The following OLFM3 variants were observed in gnomAD, a reference collection of about 807,000 sequenced individuals.
OLFM3 encodes noelin-3.
Under a neutral mutation model 48.6 loss-of-function variants are expected in OLFM3, and 20 were observed. That is an observed-to-expected ratio of 0.41 (90% CI 0.29 to 0.60). OLFM3 has a LOEUF of 0.60. Among genes scored for constraint, OLFM3 ranks in the 20% least tolerant of loss-of-function variants. The pLI is 0.28. For synonymous variants in OLFM3, 222 were observed against 198.1 expected (o/e 1.12, Z -1.01); for missense variants, 437 against 544.3 (o/e 0.80, Z 1.96).
rs190974637 is a variant in OLFM3, at chr1:101,964,980, C to T, written c.69+31768G>A. Among the ~76,000 whole-genome samples, 128 of 152,200 alleles carry T rather than the reference C, an allele frequency of 8.4e-4. 2 individuals carry two copies. The highest frequency in any genetic ancestry group is 8.1e-3 in the Admixed American group (124 of 15,282). On this transcript the variant is annotated intron_variant, in intron 1 of 5. Coordinates refer to ENST00000370103, the MANE Select transcript of OLFM3 (RefSeq NM_058170.4). ...AGCATTTCTGTGACAGCAAATTAGT[C>T]AGTATAAGAAACTCAAGTCTATGTT...
intron 1 of OLFM3, among the ~76,000 whole-genome samples, chr1:101,977,626 TGTAA>T (rs1443661474): frequency 2.6e-5 from 4 of 152,144 alleles, no homozygotes; most frequent in African/African-American, 9.7e-5. Context: ...AGAGATGATC[TGTAA>T]GTGAGTAAAG....
intron 1 of OLFM3, among the ~76,000 whole-genome samples, chr1:101,843,887 G>A (rs372194973): frequency 2.6e-5 from 4 of 151,950 alleles, no homozygotes; most frequent in Admixed American, 2.0e-4. Context: ...TAACCTCTGC[G>A]TATTCCATGA....
chr1:101,955,588 TTCTG>T (rs748895943), intron 1 of OLFM3, among the ~76,000 whole-genome samples: 8 of 152,036 alleles, frequency 5.3e-5, no homozygotes, highest in Admixed American at 1.3e-4. Flanking sequence ...CAATTCTCAC[TTCTG>T]TCTATTTTTT....
chr1:101,882,265 T>C (rs1343601906), intron 1 of OLFM3, among the ~76,000 whole-genome samples: 1 of 149,222 alleles, frequency 6.7e-6, no homozygotes, highest in African/African-American at 2.4e-5. Flanking sequence ...AATTTATGTA[T>C]GTCAAAATCA....
chr1:101,965,985 G>A (rs1318470319), intron 1 of OLFM3, among the ~76,000 whole-genome samples: 11 of 152,076 alleles, frequency 7.2e-5, no homozygotes, highest in Non-Finnish European at 2.9e-5. Context: ...CAAAGTCCTA[G>A]TTTATTTCGC....
At chr1:101,966,403 A>C (rs1660611098) in intron 1 of OLFM3, among the ~76,000 whole-genome samples, 1 of 151,242 alleles carries the variant, frequency 6.6e-6, no homozygotes, top group Non-Finnish European at 1.5e-5. Context: ...AAATTCCTGC[A>C]CTCAAGAGAG....
intron 1 of OLFM3, chr1:101,882,781 C>A (rs746630049): frequency 1.3e-5 from 2 of 151,768 alleles, no homozygotes; most frequent in East Asian, 3.9e-4. Context: ...CCAACCTCAA[C>A]AAGGCAGGGA....
intron 1 of OLFM3, among the ~76,000 whole-genome samples, chr1:101,891,643 A>G (rs541144878): frequency 2.0e-5 from 3 of 151,894 alleles, no homozygotes; most frequent in Non-Finnish European, 4.4e-5. Flanking sequence ...TAGTAATTAT[A>G]TGCATTAGAT....
At position 101,879,170 on chromosome 1, in the gene OLFM3, A is replaced by G. The variant is rs949921661; in HGVS notation, c.70-42145T>C. ...TGGCATCATCCTTTTGTCAAGAGCT[A>G]ATGAGAATCCATTTTTTTGCTTAAA... On this transcript the variant is annotated intron_variant, in intron 1 of 5. Coordinates refer to ENST00000370103, the MANE Select transcript of OLFM3 (RefSeq NM_058170.4). 1.7e-4 allele frequency among the ~76,000 whole-genome samples: 26 copies of G among 151,962 alleles called. No individual in the cohort carries two copies. In the South Asian group the frequency reaches 1.9e-3, roughly 11 times the overall value.
At chr1:101,943,855 CAT>C (rs1659868471) in intron 1 of OLFM3, among the ~76,000 whole-genome samples, 1 of 149,150 alleles carries the variant, frequency 6.7e-6, no homozygotes, top group Non-Finnish European at 1.5e-5. Context: ...TTAATAACAT[CAT>C]ATCTGATTAA....
At chr1:101,982,953 T>G (rs139007192) in intron 1 of OLFM3, among the ~76,000 whole-genome samples, 153 of 152,154 alleles carry the variant, frequency 1.0e-3, no homozygotes, top group African/African-American at 3.3e-3. Flanking sequence ...TGGTTGTTTC[T>G]CAGGAGAACC....
chr1:101,897,448 C>T (rs1160569488), intron 1 of OLFM3, among the ~76,000 whole-genome samples: 1 of 152,134 alleles, frequency 6.6e-6, no homozygotes, highest in Non-Finnish European at 1.5e-5. Flanking sequence ...GTGAACGCTA[C>T]TCCCTAATTT....
At chr1:101,876,006 T>C (rs1411874052) in intron 1 of OLFM3, among the ~76,000 whole-genome samples, 1 of 152,062 alleles carries the variant, frequency 6.6e-6, no homozygotes, top group Admixed American at 6.6e-5. Context: ...CAGAATTCTC[T>C]GGCAGATTCA....
chr1:101,836,517 G>T (rs1655416827), intron 2 of OLFM3, among the ~76,000 whole-genome samples: 1 of 151,718 alleles, frequency 6.6e-6, no homozygotes, highest in African/African-American at 2.4e-5. Context: ...GGTTGTTATG[G>T]GATTCAAAAG....
intron 1 of OLFM3, among the ~76,000 whole-genome samples, chr1:101,845,990 C>T (rs989526816): frequency 6.6e-6 from 1 of 152,138 alleles, no homozygotes; most frequent in Non-Finnish European, 1.5e-5. Flanking sequence ...CCTAGTTTTG[C>T]TTCTGTACCT....
chr1:101,861,248 G>A (rs1656643566), intron 1 of OLFM3, among the ~76,000 whole-genome samples: 1 of 152,002 alleles, frequency 6.6e-6, no homozygotes, highest in Non-Finnish European at 1.5e-5. Context: ...TTTTAGTAGA[G>A]ACAGGGTTTC....
At chr1:101,852,215 A>C (rs1326276524) in intron 1 of OLFM3, among the ~76,000 whole-genome samples, 1 of 152,034 alleles carries the variant, frequency 6.6e-6, no homozygotes, top group Non-Finnish European at 1.5e-5. Context: ...CCTTTACAGC[A>C]TACCCTCTGA....
chr1:101,804,518 C>T lies in OLFM3; in HGVS notation c.1097G>A (p.Ser366Asn). The T allele has an allele frequency of 6.2e-7, 1 of 1,612,730 alleles. No individual in the cohort carries two copies. Among genetic ancestry groups the T allele is most frequent in the Non-Finnish European group, 8.5e-7 (1 of 1,179,172 alleles). Reference sequence around the variant, plus strand: ...TGCACTTCTCTTGGGGTAGCCAGTGCTCCAGCTCTTCATCACCTCCAAGGT... The same window carrying T: ...TGCACTTCTCTTGGGGTAGCCAGTGTTCCAGCTCTTCATCACCTCCAAGGT... ...QDTLEVMKSW[S>N]TGYPKRSAGE... Residue 366 changes from serine (S) to asparagine (N), a missense_variant, in exon 6 of 6, where the codon AGC becomes AAC. Transcript: ENST00000370103. The surrounding 1 kb of genome is among the most constrained non-coding windows in gnomAD (Gnocchi z 4.5).
intron 1 of OLFM3, among the ~76,000 whole-genome samples, chr1:101,947,968 C>A (rs1415088): frequency 0.4 from 61,041 of 151,982 alleles, 12,540 homozygotes; most frequent in East Asian, 0.51. Flanking sequence ...GTTGACCAAG[C>A]CAACTTTTGC....
Sources: allele counts gnomAD v4.1 joint callset (sites outside exome capture counted in the v4.1 genomes callset), GRCh38; gene constraint gnomAD v4.1.1; non-coding constraint Gnocchi (gnomAD v3.1); transcripts MANE v1.5; gene names NCBI Gene and HGNC (gene_info 2026-07-23, HGNC 2026-07-21).